Variants in TANC2 observed in about 807,000 individuals in gnomAD.
TANC2 encodes the protein tetratricopeptide repeat, ankyrin repeat and coiled-coil containing 2.
A neutral mutation model predicts 210.5 loss-of-function variants in TANC2; 26 were observed. The observed-to-expected ratio is 0.12, with a 90% CI of 0.09 to 0.17. The LOEUF (loss-of-function observed/expected upper bound fraction) is 0.17. Ranked by LOEUF, TANC2 falls within the 10% of genes least tolerant of loss-of-function variation. The pLI is 1.00. For synonymous variants in TANC2, 931 were observed against 967.1 expected, an observed-to-expected ratio of 0.96 and a Z score of 0.69; for missense variants, 2,129 against 2,608.9, an observed-to-expected ratio of 0.82 and a Z score of 4.01.
exon 28 of TANC2, chr17:63,425,753 G>A (rs1358272775): frequency 3.9e-5 from 6 of 152,236 alleles, no homozygotes; most frequent in African/African-American, 1.4e-4. Context: ...CGAACTCTTT[G>A]AACACTACAT....
At chr17:63,031,374 A>G (rs1343023235) in intron 2 of TANC2, among the ~76,000 whole-genome samples, 1 of 152,074 alleles carries the variant, frequency 6.6e-6, no homozygotes, top group African/African-American at 2.4e-5. Context: ...TCTTTGGGAG[A>G]AAGAGAATAT....
chr17:63,285,868 T>C (rs1175780563), intron 9 of TANC2, among the ~76,000 whole-genome samples: 1 of 152,162 alleles, frequency 6.6e-6, no homozygotes, highest in Non-Finnish European at 1.5e-5. Context: ...ACATTGTTTA[T>C]ACAAACTGTT....
In TANC2 at chr17:63,418,502, A is replaced by G; in HGVS notation, c.4268+95A>G. 1.2e-5 allele frequency: 13 copies of G among 1,064,560 alleles called. No individual in the cohort carries two copies. The highest frequency in any genetic ancestry group is 1.8e-5 in the Non-Finnish European group (13 of 725,974). 65.9% of individuals were successfully genotyped at this position (1,064,560 alleles called of 1,614,324 possible). ...CACCCTGGGGCATATGTACCCAAAT[A>G]CATCTCTGTCCTTGAGAACTGTCAG... is the stretch of plus-strand genomic sequence containing the variant. On this transcript the variant is annotated intron_variant, in intron 27 of 27. Transcript: ENST00000689528. The surrounding 1 kb of genome is among the most constrained non-coding windows in gnomAD (Gnocchi z 4.6).
intron 26 of TANC2, among the ~76,000 whole-genome samples, chr17:63,417,265 C>T (rs976924299): frequency 6.6e-6 from 1 of 152,074 alleles, no homozygotes; most frequent in African/African-American, 2.4e-5. Flanking sequence ...TTTGTTCTGC[C>T]CAAGGCCTTG....
At chr17:63,152,627 A>C (rs936368639) in intron 5 of TANC2, 11 of 152,150 alleles carry the variant, frequency 7.2e-5, no homozygotes, top group African/African-American at 2.7e-4. Context: ...TCATGTTTTG[A>C]GGTATTGTCA....
chr17:63,016,868 T>G (rs1429501719), intron 2 of TANC2, among the ~76,000 whole-genome samples: 1 of 152,206 alleles, frequency 6.6e-6, no homozygotes, highest in Non-Finnish European at 1.5e-5. Flanking sequence ...CCTGTTCTAG[T>G]CCCTTACCTA....
intron 8 of TANC2, among the ~76,000 whole-genome samples, chr17:63,246,157 A>G (rs973986728): frequency 6.6e-6 from 1 of 152,110 alleles, no homozygotes; most frequent in African/African-American, 2.4e-5. Context: ...ATAAAACCTA[A>G]TAACTACAAC....
At chr17:63,097,907 G>A (rs990175070) in intron 3 of TANC2, among the ~76,000 whole-genome samples, 3 of 151,852 alleles carry the variant, frequency 2.0e-5, no homozygotes, top group Non-Finnish European at 4.4e-5. Flanking sequence ...TTCTTCTGAC[G>A]TATCTTCCAG....
intron 2 of TANC2, among the ~76,000 whole-genome samples, chr17:63,031,956 G>A (rs2034787744): frequency 6.6e-6 from 1 of 152,112 alleles, no homozygotes; most frequent in South Asian, 2.1e-4. Flanking sequence ...TTGAGAAATG[G>A]GGAAGAGGAT....
rs1420460126 is a variant in TANC2, at chr17:63,413,567, C to T, written c.3953C>T (p.Thr1318Ile). 3.8e-6 allele frequency: 6 copies of T among 1,599,956 alleles called. No homozygotes were observed. The African/African-American group carries it at 5.4e-5, about 14-fold the overall frequency. The change falls in exon 25 of 28, where the codon ACC becomes ATC. Residue 1318 changes from threonine (T) to isoleucine (I), a missense_variant. By Grantham distance (89) the Thr-to-Ile change is moderately conservative. This residue lies in a region of TANC2 where 644 missense variants were observed against 937.5 expected (regional missense o/e 0.69). Transcript: ENST00000689528. ...GGTCCAGCCACATGGGCGATGGCCA[C>T]CTCCAAGCCAGACATCATGATCATC... is the stretch of plus-strand genomic sequence containing the variant.
intron 11 of TANC2, among the ~76,000 whole-genome samples, chr17:63,327,278 T>C (rs1301890061): frequency 1.3e-5 from 2 of 152,254 alleles, no homozygotes; most frequent in African/African-American, 4.8e-5. Flanking sequence ...TTGGTGGGAA[T>C]GTAAATTAGT....
chr17:63,198,784 A>T (rs986741699), intron 6 of TANC2, among the ~76,000 whole-genome samples: 30 of 128,152 alleles, frequency 2.3e-4, no homozygotes, highest in African/African-American at 9.0e-4. Flanking sequence ...TTTTAAGGTT[A>T]AAAAAAAAAA....
chr17:63,135,758 T>C (rs541596041), intron 4 of TANC2, among the ~76,000 whole-genome samples: 3 of 152,150 alleles, frequency 2.0e-5, no homozygotes, highest in Non-Finnish European at 4.4e-5. Flanking sequence ...CAGTTAGAAT[T>C]GCTCGTGTCA....
In TANC2 at chr17:63,030,756, G is replaced by A. The variant is rs765154830; in HGVS notation, c.67+21130G>A. Among the ~76,000 whole-genome samples the A allele has an allele frequency of 3.9e-5, 6 of 151,998 alleles. 1 individual carries two copies. In the South Asian group the frequency reaches 1.2e-3, roughly 31 times the overall value. On this transcript the variant is annotated intron_variant, in intron 2 of 27. Coordinates refer to ENST00000689528, the Ensembl canonical transcript of TANC2. ...AGCAAATACCTAAAATAAAGTCAGC[G>A]TTCTTTTAGCATGAAATAAAGGATT...
At chr17:63,336,513 T>C (rs2046033409) in intron 11 of TANC2, among the ~76,000 whole-genome samples, 1 of 152,236 alleles carries the variant, frequency 6.6e-6, no homozygotes, top group South Asian at 2.1e-4. Context: ...ATTTTTTATA[T>C]ACAGCATTAA....
At chr17:62,973,220 T>G (rs1361442767) in intron 1 of TANC2, among the ~76,000 whole-genome samples, 1 of 152,102 alleles carries the variant, frequency 6.6e-6, no homozygotes, top group East Asian at 1.9e-4. Context: ...TTAGCAGAGA[T>G]GGGGTTTTGC....
chr17:63,346,911 G>T (rs1434167451), intron 12 of TANC2, among the ~76,000 whole-genome samples: 2 of 149,942 alleles, frequency 1.3e-5, no homozygotes, highest in South Asian at 4.3e-4. Flanking sequence ...TTGCCATGTT[G>T]CCCAGGCTGG....
intron 21 of TANC2, among the ~76,000 whole-genome samples, chr17:63,410,012 G>T (rs2048639395): frequency 6.6e-6 from 1 of 152,156 alleles, no homozygotes; most frequent in Non-Finnish European, 1.5e-5. Flanking sequence ...TCATGTTGGT[G>T]CTCAAAAAGG....
intron 1 of TANC2, among the ~76,000 whole-genome samples, chr17:63,005,727 CTTATAATATCTGTAAGG>C (rs1230192967): frequency 2.6e-5 from 4 of 151,960 alleles, no homozygotes; most frequent in Non-Finnish European, 5.9e-5. Context: ...CTTCTCTTTT[CTTATAATATCTGTAAGG>C]TTTTGGGATT....
Sources: gnomAD v4.1 joint callset for allele counts (sites outside exome capture counted in the v4.1 genomes callset) on GRCh38, gnomAD v4.1.1 for gene constraint, gnomAD v4.1.1 regional missense constraint, Gnocchi (gnomAD v3.1) non-coding constraint, MANE v1.5 for transcripts, NCBI Gene and HGNC (gene_info 2026-07-23, HGNC 2026-07-21) for gene names.